Variants in CADM2 observed in about 807,000 individuals in gnomAD.
CADM2 encodes cell adhesion molecule 2.
CADM2 carries 12 observed loss-of-function variants against 49.8 expected under a neutral mutation model. The ratio of observed to expected loss-of-function variants is 0.24; its 90% confidence interval spans 0.15 to 0.39. The LOEUF is 0.39. Ranked by LOEUF, CADM2 falls within the 10% of genes least tolerant of loss-of-function variation. CADM2 has a pLI of 1.00. For missense variants in CADM2, 378 were observed against 492.3 expected (o/e 0.77, Z 2.20); for synonymous variants, 214 against 175.4 (o/e 1.22, Z -1.74).
At chr3:85,231,244 G>A (rs2042279893) in intron 1 of CADM2, among the ~76,000 whole-genome samples, 1 of 151,932 alleles carries the variant, frequency 6.6e-6, no homozygotes. Context: ...TTTTTTCATT[G>A]CTATGATTTA....
At chr3:85,230,867 G>T (rs1276806464) in intron 1 of CADM2, among the ~76,000 whole-genome samples, 1 of 152,010 alleles carries the variant, frequency 6.6e-6, no homozygotes, top group African/African-American at 2.4e-5. Context: ...GAGGAAAACT[G>T]TATGTTATTT....
chr3:85,509,559 T>G (rs2106828833), intron 1 of CADM2, among the ~76,000 whole-genome samples: 1 of 152,248 alleles, frequency 6.6e-6, no homozygotes, highest in Non-Finnish European at 1.5e-5. Flanking sequence ...GCTTTTTAAA[T>G]ATTATACCTC....
At chr3:85,767,772 G>A (rs549519519) in intron 2 of CADM2, among the ~76,000 whole-genome samples, 1 of 152,210 alleles carries the variant, frequency 6.6e-6, no homozygotes, top group South Asian at 2.1e-4. Context: ...GGTTACAGAA[G>A]GACAATATGA....
At chr3:85,316,558 T>C (rs1371073076) in intron 1 of CADM2, among the ~76,000 whole-genome samples, 1 of 152,212 alleles carries the variant, frequency 6.6e-6, no homozygotes, top group African/African-American at 2.4e-5. Flanking sequence ...TGCCTTTTGT[T>C]GTCAAATAGA....
chr3:85,064,001 A>G (rs952622660), intron 1 of CADM2, among the ~76,000 whole-genome samples: 1 of 152,068 alleles, frequency 6.6e-6, no homozygotes, highest in African/African-American at 2.4e-5. Context: ...GCTTTTCTAC[A>G]TCTCATGCTG....
intron 1 of CADM2, among the ~76,000 whole-genome samples, chr3:85,352,215 G>A (rs1489851651): frequency 2.0e-5 from 3 of 152,020 alleles, no homozygotes; most frequent in Non-Finnish European, 4.4e-5. Flanking sequence ...TAGATCCAAA[G>A]CAGCTTTATA....
rs182011720 is a variant in CADM2, at chr3:85,409,732, A to G, written c.62-316790A>G. 3.9e-4 allele frequency among the ~76,000 whole-genome samples: 59 copies of G among 152,240 alleles called. 1 individual carries two copies. The highest frequency in any genetic ancestry group is 1.3e-3 in the African/African-American group (53 of 41,574). ...AAGATGATAAAGTCACTTTTAATGA[A>G]GGCACTAAAATTGAATGAAGACGTA... On this transcript the variant is annotated intron_variant, in intron 1 of 9. Transcript: ENST00000383699.
chr3:85,130,070 G>A (rs909023700), intron 1 of CADM2, among the ~76,000 whole-genome samples: 1 of 152,104 alleles, frequency 6.6e-6, no homozygotes, highest in Admixed American at 6.5e-5. Context: ...GGAAATACAT[G>A]TGAATTTAAT....
chr3:85,530,998 C>T (rs771220758), intron 1 of CADM2, among the ~76,000 whole-genome samples: 2 of 151,862 alleles, frequency 1.3e-5, no homozygotes, highest in Non-Finnish European at 2.9e-5. Context: ...TTTTAAAATA[C>T]CCTCTCCATC....
chr3:85,481,490 A>G (rs2039208371), intron 1 of CADM2, among the ~76,000 whole-genome samples: 1 of 151,748 alleles, frequency 6.6e-6, no homozygotes. Context: ...CAGCATGGCT[A>G]TTACAGTGGT....
intron 1 of CADM2, among the ~76,000 whole-genome samples, chr3:85,192,994 T>A (rs1029169479): frequency 6.6e-6 from 1 of 152,072 alleles, no homozygotes; most frequent in African/African-American, 2.4e-5. Context: ...ATTTAAGAGA[T>A]GCAGAAGCTA....
At chr3:85,344,615 A>G (rs1257167786) in intron 1 of CADM2, among the ~76,000 whole-genome samples, 8 of 151,788 alleles carry the variant, frequency 5.3e-5, no homozygotes, top group Non-Finnish European at 1.0e-4. Flanking sequence ...AGTGAGCACG[A>G]CAATTCATAG....
chr3:85,093,136 C>G (rs1162041987), intron 1 of CADM2, among the ~76,000 whole-genome samples: 1 of 152,174 alleles, frequency 6.6e-6, no homozygotes, highest in East Asian at 1.9e-4. Flanking sequence ...TAAATCATCA[C>G]ACTGTACTTT....
intron 1 of CADM2, among the ~76,000 whole-genome samples, chr3:85,264,515 T>G (rs1040411068): frequency 6.6e-6 from 1 of 152,102 alleles, no homozygotes; most frequent in African/African-American, 2.4e-5. Context: ...TTGCCTAGTT[T>G]CTGGCACTGT....
intron 8 of CADM2, among the ~76,000 whole-genome samples, chr3:86,011,523 A>G (rs1018667886): frequency 3.3e-5 from 5 of 152,104 alleles, no homozygotes; most frequent in African/African-American, 1.2e-4. Context: ...CAATCTACCT[A>G]TTAAAATTGG....
intron 1 of CADM2, among the ~76,000 whole-genome samples, chr3:85,346,566 T>G (rs1284140132): frequency 2.0e-5 from 3 of 152,170 alleles, no homozygotes; most frequent in African/African-American, 7.2e-5. Flanking sequence ...AATAAAAATA[T>G]TATTAATGAG....
intron 1 of CADM2, among the ~76,000 whole-genome samples, chr3:85,133,994 G>A (rs1021846420): frequency 2.1e-3 from 241 of 117,560 alleles, no homozygotes; most frequent in African/African-American, 5.8e-3. Context: ...TGCAGGTCCC[G>A]AGCCCTGCCC....
At chr3:85,808,527 C>T (rs1285201289) in intron 3 of CADM2, among the ~76,000 whole-genome samples, 1 of 152,090 alleles carries the variant, frequency 6.6e-6, no homozygotes. Flanking sequence ...ACAATCTGAT[C>T]AGTTAATGCT....
At chr3:85,154,423 G>C (rs938094485) in intron 1 of CADM2, among the ~76,000 whole-genome samples, 3 of 152,160 alleles carry the variant, frequency 2.0e-5, no homozygotes, top group Non-Finnish European at 2.9e-5. Context: ...AAGCCTCCAA[G>C]AAATATGGGA....
Sources: gnomAD v4.1 joint callset for allele counts (sites outside exome capture counted in the v4.1 genomes callset) on GRCh38, gnomAD v4.1.1 for gene constraint, MANE v1.5 for transcripts, NCBI Gene and HGNC (gene_info 2026-07-23, HGNC 2026-07-21) for gene names.